The following MYO1B variants were observed in gnomAD, a reference collection of about 807,000 sequenced individuals.
MYO1B encodes unconventional myosin-Ib.
In MYO1B, 72 loss-of-function variants were observed where a neutral mutation model predicts 159.7. The observed-to-expected ratio is 0.45, with a 90% CI of 0.37 to 0.55. The LOEUF (loss-of-function observed/expected upper bound fraction) is 0.55. MYO1B is among the 20% of genes least tolerant of loss of function. The pLI is 0.00. For synonymous variants in MYO1B, 468 were observed against 473.8 expected (o/e 0.99, Z 0.16); for missense variants, 1,062 against 1,364.8 (o/e 0.78, Z 3.50).
intron 7 of MYO1B, among the ~76,000 whole-genome samples, chr2:191,359,362 A>G (rs1693516858): frequency 8.5e-6 from 1 of 116,996 alleles, no homozygotes; most frequent in Non-Finnish European, 1.8e-5. Flanking sequence ...ATTATTTTCC[A>G]TCTATGATTT....
At chr2:191,392,007 T>G (rs1443078466) in intron 18 of MYO1B, 101 bp from the exon 19 acceptor site, 1 of 695,090 alleles carries the variant, frequency 1.4e-6, no homozygotes, top group Non-Finnish European at 2.3e-6. Flanking sequence ...CACTTGGAAA[T>G]GAAGCTATGT....
chr2:191,322,908 A>ACT (rs1159710540), intron 3 of MYO1B, among the ~76,000 whole-genome samples: 1 of 152,036 alleles, frequency 6.6e-6, no homozygotes, highest in Admixed American at 6.6e-5. Flanking sequence ...AAGAATGGCT[A>ACT]CTCTATAGAC....
At chr2:191,268,881 T>C (rs1687296375) in intron 1 of MYO1B, among the ~76,000 whole-genome samples, 1 of 152,176 alleles carries the variant, frequency 6.6e-6, no homozygotes, top group Non-Finnish European at 1.5e-5. Flanking sequence ...GAAGGTGCTG[T>C]GGCAGGCCTT....
Position 191,381,451 on chromosome 2 carries a change from T to C in MYO1B, c.1186-11T>C. ...TGGTTTATAAAGCTGTTTTTCATTT[T>C]CTCCATACAGGACAACAGCTTTGAG... On this transcript the variant is annotated splice_polypyrimidine_tract_variant and intron_variant, in intron 13 of 30. Coordinates refer to ENST00000392318, the MANE Select transcript of MYO1B (RefSeq NM_001130158.3). 6.2e-7 allele frequency: 1 copy of C among 1,606,022 alleles called. No individual in the cohort carries two copies. The highest frequency in any genetic ancestry group is 8.5e-7 in the Non-Finnish European group (1 of 1,172,910).
At chr2:191,301,623 C>A (rs1053086080) in intron 3 of MYO1B, among the ~76,000 whole-genome samples, 10 of 152,162 alleles carry the variant, frequency 6.6e-5, no homozygotes, top group Non-Finnish European at 1.3e-4. Context: ...AGACTTGGGT[C>A]CTATACCCAA....
intron 30 of MYO1B, among the ~76,000 whole-genome samples, chr2:191,421,875 A>G (rs1248042626): frequency 6.6e-6 from 1 of 152,208 alleles, no homozygotes; most frequent in East Asian, 1.9e-4. Flanking sequence ...ACATACATAC[A>G]AGTATATATG....
intron 30 of MYO1B, among the ~76,000 whole-genome samples, chr2:191,421,807 G>A (rs1054921931): frequency 6.6e-6 from 1 of 152,180 alleles, no homozygotes; most frequent in Non-Finnish European, 1.5e-5. Flanking sequence ...AAATGTGAAA[G>A]TGTTTGATTT....
At chr2:191,400,308 AG>A in intron 21 of MYO1B, 73 bp from the exon 22 acceptor site, 1 of 1,478,854 alleles carries the variant, frequency 6.8e-7, no homozygotes, top group Non-Finnish European at 9.4e-7. Flanking sequence ...TCATCTCTTC[AG>A]GTTTTTTTTT....
intron 17 of MYO1B, 74 bp downstream of exon 17, chr2:191,387,524 T>C (rs2126090018): frequency 2.2e-6 from 3 of 1,356,346 alleles, no homozygotes; most frequent in Non-Finnish European, 3.2e-6. Flanking sequence ...TTCCCTTTGC[T>C]TCAATCTGAG....
chr2:191,406,263 A>G (rs1248769957), intron 24 of MYO1B, among the ~76,000 whole-genome samples: 1 of 152,244 alleles, frequency 6.6e-6, no homozygotes, highest in African/African-American at 2.4e-5. Flanking sequence ...CTAGACCACT[A>G]AAATTTTCTC....
chr2:191,402,777 T>A, intron 24 of MYO1B, 59 bp downstream of exon 24: 1 of 1,299,656 alleles, frequency 7.7e-7, no homozygotes, highest in Non-Finnish European at 1.1e-6. Context: ...TAGCACCTAC[T>A]AACCCTGAGA....
chr2:191,379,376 G>T (rs1394909417), intron 13 of MYO1B: 1 of 152,602 alleles, frequency 6.6e-6, no homozygotes, highest in Non-Finnish European at 1.5e-5. Context: ...ATAACCATGT[G>T]GATATAAAAT....
rs147158069 is a variant in MYO1B, at chr2:191,325,478, G to C, written c.252-4457G>C. Among the ~76,000 whole-genome samples the C allele has an allele frequency of 3.3e-5, 5 of 152,220 alleles. No individual in the cohort carries two copies. In the East Asian group the frequency reaches 9.7e-4, roughly 29 times the overall value. On this transcript the variant is annotated intron_variant, in intron 3 of 30. Coordinates refer to ENST00000392318, the MANE Select transcript of MYO1B (RefSeq NM_001130158.3). ...GTTAAACACTTTGGCTAATGGAGAG[G>C]TCCAACTACCAGTTCTCAGAATGGA...
intron 3 of MYO1B, among the ~76,000 whole-genome samples, chr2:191,327,401 T>C (rs1233945551): frequency 6.6e-6 from 1 of 152,242 alleles, no homozygotes; most frequent in Non-Finnish European, 1.5e-5. Flanking sequence ...TTCTGACATT[T>C]ATTCAGGGCT....
chr2:191,396,821 A>G (rs747402771), intron 21 of MYO1B, among the ~76,000 whole-genome samples: 1 of 152,170 alleles, frequency 6.6e-6, no homozygotes, highest in Non-Finnish European at 1.5e-5. Context: ...TCTCACAGCC[A>G]TTGCTTTCAT....
rs71030338 is a variant in MYO1B, at chr2:191,383,515, TACACACACAC to T, written c.1353+197_1353+206del. Among the ~76,000 whole-genome samples the T allele has an allele frequency of 1.8e-3, 219 of 122,734 alleles. 4 individuals carry two copies. Among genetic ancestry groups the T allele is most frequent in the African/African-American group, 7.2e-3 (214 of 29,568 alleles). 80.5% of individuals were successfully genotyped at this position (122,734 alleles called of 152,430 possible). A position where few individuals can be genotyped will look rare whatever the true frequency, so the allele number is the denominator to read the frequency against. Reference sequence around the variant, plus strand: ...ATGTGTATATATATATATATACACGTACACACACACACACACACACACACACACACACATA... The same window carrying T: ...ATGTGTATATATATATATATACACGTACACACACACACACACACACACATA... On this transcript the variant is annotated intron_variant, in intron 15 of 30. Coordinates refer to ENST00000392318, the MANE Select transcript of MYO1B (RefSeq NM_001130158.3).
chr2:191,357,878 GCAAA>G (rs1693404892), intron 7 of MYO1B, among the ~76,000 whole-genome samples: 1 of 152,184 alleles, frequency 6.6e-6, no homozygotes, highest in African/African-American at 2.4e-5. Flanking sequence ...AAATTTGGGG[GCAAA>G]CATTTTCCCT....
At position 191,416,183 on chromosome 2, in the gene MYO1B, G is replaced by C; in HGVS notation, c.3228G>C (p.Lys1076Asn). 1 of 1,614,104 alleles carries C rather than the reference G, an allele frequency of 6.2e-7. No individual in the cohort carries two copies. Among genetic ancestry groups the C allele is most frequent in the Non-Finnish European group, 8.5e-7 (1 of 1,180,008 alleles). Residue 1076 changes from lysine to asparagine, a missense_variant, in exon 30 of 31, where the codon AAG becomes AAC. Around this residue, in one of 5 missense-constraint regions of MYO1B, gnomAD observed 609 missense variants for 744.4 expected, o/e 0.82. Transcript: ENST00000392318. ...SSDHLIEMAT[K>N]LYRTTLSQTK... ...ATCACCTGATTGAAATGGCCACCAA[G>C]CTCTATCGCACAACTCTCAGCCAAA...
chr2:191,356,650 A>G (rs564966514), intron 7 of MYO1B, among the ~76,000 whole-genome samples: 1 of 152,348 alleles, frequency 6.6e-6, no homozygotes, highest in South Asian at 2.1e-4. Context: ...CCTCAGATTA[A>G]TGAATTAATT....
Sources: gnomAD v4.1 joint callset for allele counts (sites outside exome capture counted in the v4.1 genomes callset) on GRCh38, gnomAD v4.1.1 for gene constraint, gnomAD v4.1.1 regional missense constraint, MANE v1.5 for transcripts, NCBI Gene and HGNC (gene_info 2026-07-23, HGNC 2026-07-21) for gene names.